IMMP2L: variants seen among roughly 807,000 people sequenced by gnomAD.
The protein encoded by IMMP2L is mitochondrial inner membrane protease subunit 2.
A neutral mutation model predicts 19.3 loss-of-function variants in IMMP2L; 18 were observed. That is an observed-to-expected ratio of 0.93 (90% confidence interval 0.64 to 1.38). The LOEUF is 1.38. IMMP2L is among the 40% of genes most tolerant of loss of function. The pLI is 0.00. For synonymous variants in IMMP2L, 76 were observed against 73.0 expected (o/e 1.04, Z -0.21); for missense variants, 233 against 218.2 (o/e 1.07, Z -0.43).
chr7:111,078,421 ATTATCT>A, intron 3 of IMMP2L, among the ~76,000 whole-genome samples: 1 of 152,216 alleles, frequency 6.6e-6, no homozygotes, highest in Non-Finnish European at 1.5e-5. Flanking sequence ...TTGCTACTGC[ATTATCT>A]GCATTATTCA....
At chr7:111,124,297 G>C (rs964963680) in intron 3 of IMMP2L, 1 of 1,613,914 alleles carries the variant, frequency 6.2e-7, no homozygotes, top group Non-Finnish European at 8.5e-7. Context: ...CTTGAAGTCT[G>C]TTATGATCAA....
At chr7:111,422,786 G>A (rs13306964) in intron 3 of IMMP2L, among the ~76,000 whole-genome samples, 1 of 151,812 alleles carries the variant, frequency 6.6e-6, no homozygotes, top group Non-Finnish European at 1.5e-5. Context: ...GGGCATCCTT[G>A]TCTTGTGTCG....
At chr7:111,363,735 T>A (rs1314065548) in intron 3 of IMMP2L, among the ~76,000 whole-genome samples, 1 of 151,948 alleles carries the variant, frequency 6.6e-6, no homozygotes, top group African/African-American at 2.4e-5. Flanking sequence ...CTTCAAGGTA[T>A]CTCCAAATTA....
At chr7:111,305,961 C>A (rs1822821471) in intron 3 of IMMP2L, among the ~76,000 whole-genome samples, 1 of 152,118 alleles carries the variant, frequency 6.6e-6, no homozygotes, top group Non-Finnish European at 1.5e-5. Flanking sequence ...CTGATACCTT[C>A]TAGAAACTAT....
chr7:110,741,062 G>T (rs1796958921), intron 5 of IMMP2L, among the ~76,000 whole-genome samples: 1 of 152,144 alleles, frequency 6.6e-6, no homozygotes, highest in Non-Finnish European at 1.5e-5. Context: ...ACAATTTGCA[G>T]TTGCAAAAAT....
intron 3 of IMMP2L, among the ~76,000 whole-genome samples, chr7:111,243,073 G>C (rs964776196): frequency 6.6e-6 from 1 of 151,906 alleles, no homozygotes; most frequent in Non-Finnish European, 1.5e-5. Context: ...GAAAAATATT[G>C]TTACTAAAAC....
At chr7:110,980,099 G>A (rs1821110017) in intron 3 of IMMP2L, among the ~76,000 whole-genome samples, 1 of 149,998 alleles carries the variant, frequency 6.7e-6, no homozygotes, top group Non-Finnish European at 1.5e-5. Context: ...TTTCATTTCG[G>A]AAATTTATGG....
At chr7:111,025,869 G>A (rs1355901114) in intron 3 of IMMP2L, among the ~76,000 whole-genome samples, 1 of 152,142 alleles carries the variant, frequency 6.6e-6, no homozygotes, top group African/African-American at 2.4e-5. Flanking sequence ...CCTCAGGAAT[G>A]GAGTTTGGAA....
intron 3 of IMMP2L, among the ~76,000 whole-genome samples, chr7:111,420,933 C>T (rs938268463): frequency 4.0e-5 from 6 of 151,814 alleles, no homozygotes; most frequent in East Asian, 3.9e-4. Context: ...GTAATGGGAC[C>T]GCTGGGTCAA....
intron 5 of IMMP2L, among the ~76,000 whole-genome samples, chr7:110,860,416 G>C (rs1316597347): frequency 6.6e-6 from 1 of 151,880 alleles, no homozygotes; most frequent in African/African-American, 2.4e-5. Flanking sequence ...TCATGTTGAT[G>C]GTAATACCTT....
At chr7:111,332,228 G>GA (rs943044678) in intron 3 of IMMP2L, among the ~76,000 whole-genome samples, 6 of 149,576 alleles carry the variant, frequency 4.0e-5, no homozygotes, top group South Asian at 2.1e-4. Flanking sequence ...AACCTTCCTA[G>GA]AAAAAAAAAC....
At chr7:110,782,848 A>C (rs1251705523) in intron 5 of IMMP2L, among the ~76,000 whole-genome samples, 1 of 151,900 alleles carries the variant, frequency 6.6e-6, no homozygotes, top group Non-Finnish European at 1.5e-5. Flanking sequence ...GTGTCCTTGG[A>C]CTAAGAATAG....
chr7:111,356,939 AGC>A (rs1322261677), intron 3 of IMMP2L, among the ~76,000 whole-genome samples: 9 of 138,916 alleles, frequency 6.5e-5, no homozygotes, highest in Non-Finnish European at 1.2e-4. Flanking sequence ...AGGCAGGAGA[AGC>A]GCTTGAACCA....
intron 4 of IMMP2L, among the ~76,000 whole-genome samples, chr7:110,960,121 G>T (rs1818781116): frequency 6.6e-6 from 1 of 151,896 alleles, no homozygotes. Flanking sequence ...AATCCTGTTA[G>T]ATTGCTTTAT....
intron 3 of IMMP2L, among the ~76,000 whole-genome samples, chr7:111,319,875 A>G (rs530077479): frequency 4.0e-4 from 61 of 152,102 alleles, no homozygotes; most frequent in African/African-American, 1.2e-3. Flanking sequence ...CGGCTGCCAC[A>G]TTCCATGGGA....
chr7:111,432,618 A>G (rs1226153715), intron 3 of IMMP2L, among the ~76,000 whole-genome samples: 1 of 151,706 alleles, frequency 6.6e-6, no homozygotes, highest in Non-Finnish European at 1.5e-5. Flanking sequence ...TTTACTTAAT[A>G]TGGAAAAGTT....
intron 1 of IMMP2L, among the ~76,000 whole-genome samples, chr7:111,546,070 A>G (rs1021066272): frequency 1.3e-5 from 2 of 152,126 alleles, no homozygotes; most frequent in Non-Finnish European, 2.9e-5. Context: ...TATTTTTAAC[A>G]ACATAAATAT....
intron 1 of IMMP2L, among the ~76,000 whole-genome samples, chr7:111,543,286 T>C (rs1036884153): frequency 6.6e-6 from 1 of 152,158 alleles, no homozygotes; most frequent in Non-Finnish European, 1.5e-5. Context: ...ATTAAAACAT[T>C]CATAACCATA....
chr7:110,680,523 A>T lies in IMMP2L; in HGVS notation c.409-16802T>A, dbSNP rs17476039. 9.8e-3 allele frequency among the ~76,000 whole-genome samples: 1,499 copies of T among 152,224 alleles called. 15 individuals carry two copies. Among genetic ancestry groups the T allele is most frequent in the Admixed American group, 0.02 (308 of 15,278 alleles). On this transcript the variant is annotated intron_variant, in intron 5 of 5. Transcript: ENST00000405709. The stretch of plus-strand genomic sequence containing the variant: ...AAAAAGTGGTCTAAACCCGAGAAAA[A>T]CTGACTTCTCAAGAAGAAACAGATC...
Sources: allele counts gnomAD v4.1 joint callset (sites outside exome capture counted in the v4.1 genomes callset), GRCh38; gene constraint gnomAD v4.1.1; transcripts MANE v1.5; gene names NCBI Gene and HGNC (gene_info 2026-07-23, HGNC 2026-07-21).